KCNN1: variants seen among roughly 807,000 people sequenced by gnomAD.
The protein encoded by KCNN1 is small conductance calcium-activated potassium channel protein 1.
Under a neutral mutation model 44.7 loss-of-function variants are expected in KCNN1, and 20 were observed. That is an observed-to-expected ratio of 0.45 (90% confidence interval 0.32 to 0.65). KCNN1 has a LOEUF of 0.65. KCNN1 is among the 30% of genes least tolerant of loss of function. KCNN1 has a pLI of 0.05. For synonymous variants in KCNN1, 324 were observed against 341.7 expected, an observed-to-expected ratio of 0.95 and a Z score of 0.57; for missense variants, 632 against 785.3, an observed-to-expected ratio of 0.80 and a Z score of 2.33.
intron 3 of KCNN1, 117 bp from the exon 4 acceptor site, chr19:17,981,592 C>A: frequency 1.3e-6 from 1 of 762,504 alleles, no homozygotes; most frequent in Non-Finnish European, 2.0e-6. Flanking sequence ...AAAGAAAAAT[C>A]CGAGCCTGTG....
chr19:17,979,166 G>A (rs1308225551), intron 3 of KCNN1, among the ~76,000 whole-genome samples: 4 of 150,522 alleles, frequency 2.7e-5, no homozygotes, highest in Non-Finnish European at 4.4e-5. Context: ...AAAAGGCCGG[G>A]CTCACGACTG....
rs1433673603 is a variant in KCNN1, at chr19:17,982,043, T to C, written c.833T>C (p.Met278Thr). ...ACGCGCTTCGTCATGAAGACACTCATGACCATCTGCCCCGGCACCGTGCTG... is the reference window on the plus strand; with the variant it reads ...ACGCGCTTCGTCATGAAGACACTCACGACCATCTGCCCCGGCACCGTGCTG... ...FNTRFVMKTL[M>T]TICPGTVLLV... Residue 278 changes from methionine to threonine, a missense_variant, in exon 4 of 10, where the codon ATG becomes ACG. Physicochemically the swap from Met to Thr is moderately conservative, Grantham distance 81 (BLOSUM62 -1). This residue lies in a region of KCNN1 where 160 missense variants were observed against 308.3 expected (regional missense o/e 0.52). Transcript: ENST00000684775. 6.2e-7 allele frequency: 1 copy of C among 1,609,870 alleles called. No individual in the cohort carries two copies. Among genetic ancestry groups the C allele is most frequent in the African/African-American group, 1.3e-5 (1 of 74,952 alleles).
chr19:17,980,403 T>C (rs2032365091), intron 3 of KCNN1, among the ~76,000 whole-genome samples: 1 of 151,846 alleles, frequency 6.6e-6, no homozygotes, highest in Non-Finnish European at 1.5e-5. Context: ...TTGGAGGTTG[T>C]GAATAGTGCC....
At chr19:17,995,205 C>T (rs931705594) in intron 9 of KCNN1, among the ~76,000 whole-genome samples, 7 of 150,800 alleles carry the variant, frequency 4.6e-5, no homozygotes, top group South Asian at 2.1e-4. Flanking sequence ...CAGGGTCTTG[C>T]TCTGTGGTAC....
At chr19:17,981,564 AAAAAGAAAGAAAG>A in intron 3 of KCNN1, 132 bp from the exon 4 acceptor site, 5 of 706,492 alleles carry the variant, frequency 7.1e-6, no homozygotes, top group South Asian at 6.8e-5. Flanking sequence ...AAAAAAAAAA[AAAAAGAAAGAAAG>A]AAAGAAAGAA....
At chr19:17,960,406 G>C (rs1382782742) in intron 2 of KCNN1, among the ~76,000 whole-genome samples, 1 of 151,948 alleles carries the variant, frequency 6.6e-6, no homozygotes, top group Non-Finnish European at 1.5e-5. Flanking sequence ...GAGGCGGGTG[G>C]ATCACCTGAG....
intron 2 of KCNN1, among the ~76,000 whole-genome samples, chr19:17,956,581 A>ATT (rs59430994): frequency 8.2e-5 from 12 of 146,892 alleles, no homozygotes; most frequent in African/African-American, 1.2e-4. Context: ...CATCTCTACA[A>ATT]TTTTTTTTTT....
intron 2 of KCNN1, among the ~76,000 whole-genome samples, chr19:17,961,676 G>A (rs2031684849): frequency 6.7e-6 from 1 of 149,668 alleles, no homozygotes; most frequent in Admixed American, 6.8e-5. Flanking sequence ...CTGCCTCCCA[G>A]GTTCAAGCAG....
chr19:17,995,396 AC>A (rs1350746231), intron 9 of KCNN1, among the ~76,000 whole-genome samples: 5 of 151,080 alleles, frequency 3.3e-5, no homozygotes, highest in Non-Finnish European at 7.4e-5. Flanking sequence ...CTGGTCTCAA[AC>A]TCCTGAGCTC....
Position 17,988,418 on chromosome 19 carries a change from G to T in KCNN1, c.1063G>T (p.Ala355Ser). Residue 355 changes from alanine (A) to serine (S), a missense_variant, in exon 6 of 10, where the codon GCT becomes TCT. By Grantham distance (99) the Ala-to-Ser change is moderately conservative (BLOSUM62 1). Coordinates refer to ENST00000684775, the MANE Select transcript of KCNN1 (RefSeq NM_001386974.1). ...GVCLLTGIMG[A>S]GCTALVVAVV... ...GCCCCCTCTGCCCTGCACACAGGGAGCTGGCTGTACCGCGCTCGTGGTGGC... is the reference window on the plus strand; with the variant it reads ...GCCCCCTCTGCCCTGCACACAGGGATCTGGCTGTACCGCGCTCGTGGTGGC... The T allele has an allele frequency of 6.2e-7, 1 of 1,611,282 alleles. No individual in the cohort carries two copies. The highest frequency in any genetic ancestry group is 1.1e-5 in the South Asian group (1 of 90,676).
chr19:17,952,013 TA>T (rs1479353740), intron 1 of KCNN1, among the ~76,000 whole-genome samples: 2 of 152,128 alleles, frequency 1.3e-5, no homozygotes, highest in Non-Finnish European at 2.9e-5. Flanking sequence ...GACCGTCTTC[TA>T]AGATTTGCTG....
At chr19:17,990,059 A>T (rs777626939) in intron 7 of KCNN1, 1 of 703,954 alleles carries the variant, frequency 1.4e-6, no homozygotes, top group Middle Eastern at 2.3e-4. Context: ...AAGTGGCAGG[A>T]TGTATATTTT....
At position 17,988,487 on chromosome 19, in the gene KCNN1, G is replaced by T; in HGVS notation, c.1132G>T (p.Val378Leu). ...KLELTKAEKH[V>L]HNFMMDTQLT... ...GGAGCTCACCAAGGCTGAGAAGCACGTGCACAACTTCATGATGGACACTCA... is the reference window on the plus strand; with the variant it reads ...GGAGCTCACCAAGGCTGAGAAGCACTTGCACAACTTCATGATGGACACTCA... Residue 378 changes from valine to leucine, a missense_variant, in exon 6 of 10, where the codon GTG becomes TTG. Val to Leu is a conservative substitution (Grantham distance 32). This residue lies in a region of KCNN1 where 237 missense variants were observed against 253.0 expected (regional missense o/e 0.94). Coordinates refer to ENST00000684775, the MANE Select transcript of KCNN1 (RefSeq NM_001386974.1). 6.2e-7 allele frequency: 1 copy of T among 1,613,870 alleles called. No individual in the cohort carries two copies. The highest frequency in any genetic ancestry group is 8.5e-7 in the Non-Finnish European group (1 of 1,179,912).
rs969817961 is a variant in KCNN1 at position 17,993,759 on chromosome 19, C to T, written c.1377+200C>T. Among the ~76,000 whole-genome samples, 1 of 151,522 alleles carries T rather than the reference C, an allele frequency of 6.6e-6. No individual in the cohort carries two copies. Among genetic ancestry groups the T allele is most frequent in the Admixed American group, 6.6e-5 (1 of 15,202 alleles). On this transcript the variant is annotated intron_variant, in intron 9 of 9. Coordinates refer to ENST00000684775, the MANE Select transcript of KCNN1 (RefSeq NM_001386974.1). This position sits in a 1 kb window ranked among gnomAD's most constrained non-coding sequence, Gnocchi z 4.5. ...TCCCGTCTCTACAAAAAAAATACAA[C>T]AATTAGCCAGGCGTGGTGGCGGGCG...
intron 7 of KCNN1, 48 bp downstream of exon 7, chr19:17,989,891 G>A (rs566081685): frequency 3.6e-5 from 58 of 1,610,502 alleles, no homozygotes; most frequent in African/African-American, 3.1e-4. Context: ...CACATGGCGC[G>A]GAGGCAGCCC....
rs556068384 is a variant in KCNN1 at position 17,983,398 on chromosome 19, A to T, written c.917+1271A>T. On this transcript the variant is annotated intron_variant, in intron 4 of 9. Transcript: ENST00000684775. The surrounding 1 kb of genome is among the most constrained non-coding windows in gnomAD (Gnocchi z 4.5). ...ATACTCCCACGGGCCCTGCCTGGGC[A>T]TGAGGCCTGGCTCTCAGGGATGAAA... 1.7e-4 allele frequency among the ~76,000 whole-genome samples: 25 copies of T among 148,046 alleles called. No individual in the cohort carries two copies. Among genetic ancestry groups the T allele is most frequent in the African/African-American group, 5.7e-4 (23 of 40,594 alleles).
chr19:17,996,289 G>C, intron 9 of KCNN1, among the ~76,000 whole-genome samples: 1 of 151,826 alleles, frequency 6.6e-6, no homozygotes, highest in Non-Finnish European at 1.5e-5. Context: ...CTGGGAGACA[G>C]AGCAAGACTC....
chr19:17,987,874 G>A (rs1307241368), intron 5 of KCNN1, among the ~76,000 whole-genome samples: 1 of 150,478 alleles, frequency 6.6e-6, no homozygotes, highest in East Asian at 1.9e-4. Context: ...CAGGCGCAGT[G>A]GCTTACACCT....
chr19:17,969,312 T>G (rs2031928846), intron 1 of KCNN1, among the ~76,000 whole-genome samples: 1 of 152,210 alleles, frequency 6.6e-6, no homozygotes, highest in Admixed American at 6.5e-5. Context: ...CTTTCCTGGC[T>G]GGGTGACCTT....
Sources: gnomAD v4.1 joint callset for allele counts (sites outside exome capture counted in the v4.1 genomes callset) on GRCh38, gnomAD v4.1.1 for gene constraint, gnomAD v4.1.1 regional missense constraint, Gnocchi (gnomAD v3.1) non-coding constraint, MANE v1.5 for transcripts, NCBI Gene and HGNC (gene_info 2026-07-23, HGNC 2026-07-21) for gene names.